Variants in CDH13 observed in about 807,000 individuals in gnomAD.
The protein encoded by CDH13 is cadherin-13.
In CDH13, 24 loss-of-function variants were observed where a neutral mutation model predicts 63.8. The ratio of observed to expected loss-of-function variants is 0.38; its 90% CI spans 0.27 to 0.53. The LOEUF (loss-of-function observed/expected upper bound fraction) is 0.53, where lower values mean the gene tolerates loss of function less well. CDH13 is among the 20% of genes least tolerant of loss of function. CDH13 has a pLI of 0.85. For missense variants in CDH13, 1,049 were observed against 903.1 expected (o/e 1.16, Z -2.07); for synonymous variants, 503 against 355.3 (o/e 1.42, Z -4.67).
intron 6 of CDH13, among the ~76,000 whole-genome samples, chr16:83,424,665 C>G (rs142473089): frequency 1.4e-3 from 211 of 152,258 alleles, no homozygotes; most frequent in African/African-American, 4.9e-3. Context: ...AATGGTTTTG[C>G]AAGAATGAAA....
At position 82,855,190 on chromosome 16, in the gene CDH13, T is replaced by A. The variant is rs563344743; in HGVS notation, c.46-3172T>A. Among the ~76,000 whole-genome samples, 390 of 152,098 alleles carry A rather than the reference T, an allele frequency of 2.6e-3. 1 individual carries two copies. The highest frequency in any genetic ancestry group is 6.8e-3 in the Middle Eastern group (2 of 294). On this transcript the variant is annotated intron_variant, in intron 1 of 13. Coordinates refer to ENST00000567109, the MANE Select transcript of CDH13 (RefSeq NM_001257.5). ...CCTAAGAGTCAGCAGCTGGAAAAGGTTTATTTATTTTTTTTATTTTGTAAC... is the reference window on the plus strand; with the variant it reads ...CCTAAGAGTCAGCAGCTGGAAAAGGATTATTTATTTTTTTTATTTTGTAAC...
At chr16:82,867,280 A>G (rs1279100030) in intron 2 of CDH13, among the ~76,000 whole-genome samples, 1 of 152,110 alleles carries the variant, frequency 6.6e-6, no homozygotes, top group Non-Finnish European at 1.5e-5. Flanking sequence ...AGTGTCTCTT[A>G]GTTTTTTTGA....
At chr16:83,139,809 C>G (rs1332900986) in intron 4 of CDH13, among the ~76,000 whole-genome samples, 1 of 151,986 alleles carries the variant, frequency 6.6e-6, no homozygotes, top group African/African-American at 2.4e-5. Flanking sequence ...TTGAGACCAC[C>G]CTGACCAACA....
intron 13 of CDH13, among the ~76,000 whole-genome samples, chr16:83,787,574 T>C (rs1267485870): frequency 6.6e-6 from 1 of 152,232 alleles, no homozygotes; most frequent in Non-Finnish European, 1.5e-5. Flanking sequence ...TTCCACCAGC[T>C]TCTGGAGTGA....
intron 2 of CDH13, among the ~76,000 whole-genome samples, chr16:82,864,944 C>G (rs1163296130): frequency 1.3e-5 from 2 of 152,162 alleles, no homozygotes; most frequent in Admixed American, 6.5e-5. Context: ...ACACTCACTC[C>G]AAATGGGAAA....
intron 6 of CDH13, among the ~76,000 whole-genome samples, chr16:83,451,671 C>T (rs1400240325): frequency 3.9e-5 from 6 of 152,158 alleles, no homozygotes; most frequent in African/African-American, 1.4e-4. Context: ...GTATGCACCA[C>T]CATGTGCAGC....
intron 6 of CDH13, among the ~76,000 whole-genome samples, chr16:83,402,498 A>C (rs2091983234): frequency 6.6e-6 from 1 of 152,262 alleles, no homozygotes; most frequent in Non-Finnish European, 1.5e-5. Context: ...TTTTGTGAAA[A>C]TTAACATATA....
At chr16:82,871,545 C>G (rs534249143) in intron 2 of CDH13, among the ~76,000 whole-genome samples, 1 of 152,260 alleles carries the variant, frequency 6.6e-6, no homozygotes, top group South Asian at 2.1e-4. Flanking sequence ...GAGTCTAATC[C>G]CAGCTCTAAC....
At chr16:82,775,776 C>A (rs2035466801) in intron 1 of CDH13, among the ~76,000 whole-genome samples, 1 of 152,168 alleles carries the variant, frequency 6.6e-6, no homozygotes, top group South Asian at 2.1e-4. Context: ...ACAGTGTACA[C>A]CCTTGCAAAA....
At chr16:83,073,707 G>T (rs2032618827) in intron 3 of CDH13, among the ~76,000 whole-genome samples, 1 of 151,754 alleles carries the variant, frequency 6.6e-6, no homozygotes, top group Admixed American at 6.6e-5. Flanking sequence ...CTTCACAAAA[G>T]TTTTAAGATA....
chr16:83,754,473 G>C (rs913261789), intron 11 of CDH13, among the ~76,000 whole-genome samples: 2 of 152,112 alleles, frequency 1.3e-5, no homozygotes, highest in East Asian at 3.9e-4. Context: ...ATGAAGCAAG[G>C]CTCCATCTGA....
intron 7 of CDH13, among the ~76,000 whole-genome samples, chr16:83,523,707 G>C (rs975933838): frequency 6.6e-6 from 1 of 152,194 alleles, no homozygotes; most frequent in Non-Finnish European, 1.5e-5. Context: ...ACCTCAGTGG[G>C]CATGTCCGGT....
intron 6 of CDH13, among the ~76,000 whole-genome samples, chr16:83,421,321 T>G (rs887330548): frequency 6.6e-6 from 1 of 152,188 alleles, no homozygotes; most frequent in Non-Finnish European, 1.5e-5. Context: ...GATTAAACAA[T>G]AAATAAATGT....
At position 82,720,648 on chromosome 16, in the gene CDH13, A is replaced by C. The variant is rs752611368; in HGVS notation, c.45+93511A>C. ...CATGGGGAGAATGTACAAACTCCAC[A>C]CACAGGGTGGTCTGGGCCAAGAGTT... On this transcript the variant is annotated intron_variant, in intron 1 of 13. Coordinates refer to ENST00000567109, the MANE Select transcript of CDH13 (RefSeq NM_001257.5). Among the ~76,000 whole-genome samples the C allele has an allele frequency of 5.9e-4, 89 of 152,014 alleles. 1 individual carries two copies. The highest frequency in any genetic ancestry group is 1.0e-3 in the Non-Finnish European group (69 of 67,970).
intron 10 of CDH13, among the ~76,000 whole-genome samples, chr16:83,692,500 G>A (rs1161101205): frequency 6.6e-6 from 1 of 152,192 alleles, no homozygotes; most frequent in Non-Finnish European, 1.5e-5. Flanking sequence ...GACTCCGTCT[G>A]TCCCGGTTTC....
At chr16:83,441,720 C>A (rs142851157) in intron 6 of CDH13, among the ~76,000 whole-genome samples, 1 of 151,946 alleles carries the variant, frequency 6.6e-6, no homozygotes, top group Admixed American at 6.6e-5. Context: ...TTTCCCTGAA[C>A]CCGGATAGAA....
chr16:83,691,888 C>A (rs1032401815), intron 10 of CDH13, among the ~76,000 whole-genome samples: 1 of 152,182 alleles, frequency 6.6e-6, no homozygotes, highest in African/African-American at 2.4e-5. Context: ...TACTTTGTCC[C>A]AGGCACTGTT....
chr16:83,393,679 C>A (rs75373172), intron 6 of CDH13, among the ~76,000 whole-genome samples: 1 of 152,158 alleles, frequency 6.6e-6, no homozygotes, highest in African/African-American at 2.4e-5. Flanking sequence ...ATCATTCATT[C>A]ATTGAATTGA....
chr16:83,425,319 G>T (rs181973536), intron 6 of CDH13, among the ~76,000 whole-genome samples: 1 of 152,220 alleles, frequency 6.6e-6, no homozygotes, highest in Non-Finnish European at 1.5e-5. Flanking sequence ...TCTCGGAAAG[G>T]TGGTCATTTG....
Sources: gnomAD v4.1 joint callset for allele counts (sites outside exome capture counted in the v4.1 genomes callset) on GRCh38, gnomAD v4.1.1 for gene constraint, MANE v1.5 for transcripts, NCBI Gene and HGNC (gene_info 2026-07-23, HGNC 2026-07-21) for gene names.